TIAM2: variants seen among roughly 807,000 people sequenced by gnomAD.
The protein encoded by TIAM2 is TIAM Rac1 associated GEF 2.
TIAM2 carries 80 observed loss-of-function variants against 152.9 expected under a neutral mutation model. The ratio of observed to expected loss-of-function variants is 0.52; its 90% CI spans 0.44 to 0.63. TIAM2 has a LOEUF of 0.63. Ranked by LOEUF, TIAM2 falls within the 30% of genes least tolerant of loss-of-function variation. The pLI is 0.00. For synonymous variants in TIAM2, 804 were observed against 838.0 expected (o/e 0.96, Z 0.70); for missense variants, 1,965 against 2,120.1 (o/e 0.93, Z 1.44).
chr6:154,998,657 T>C (rs895779313), intron 1 of TIAM2, among the ~76,000 whole-genome samples: 8 of 152,242 alleles, frequency 5.3e-5, no homozygotes, highest in African/African-American at 1.7e-4. Context: ...AAGTGTTTGC[T>C]AGTTATATGG....
intron 15 of TIAM2, among the ~76,000 whole-genome samples, chr6:155,229,417 C>G (rs1194139578): frequency 4.6e-5 from 7 of 152,210 alleles, no homozygotes; most frequent in Non-Finnish European, 1.0e-4. Flanking sequence ...AATCCTTGTA[C>G]TATGCTAAGT....
intron 2 of TIAM2, among the ~76,000 whole-genome samples, chr6:155,103,723 CAA>C (rs759945340): frequency 1.0e-4 from 6 of 59,870 alleles, no homozygotes; most frequent in Non-Finnish European, 1.5e-4. Flanking sequence ...GACTCTGTCT[CAA>C]AAAAAAAAAA....
chr6:155,014,852 A>G (rs1482201666), intron 1 of TIAM2, among the ~76,000 whole-genome samples: 1 of 152,184 alleles, frequency 6.6e-6, no homozygotes, highest in East Asian at 1.9e-4. Flanking sequence ...TTCTTCTCCT[A>G]TGAGAAAAGA....
At chr6:155,037,509 C>T (rs2114901006) in intron 1 of TIAM2, among the ~76,000 whole-genome samples, 1 of 152,166 alleles carries the variant, frequency 6.6e-6, no homozygotes, top group East Asian at 1.9e-4. Context: ...TTTCAGTGTG[C>T]TCCTCTGGGC....
chr6:155,207,147 A>G (rs1363910884), intron 14 of TIAM2, among the ~76,000 whole-genome samples: 1 of 152,210 alleles, frequency 6.6e-6, no homozygotes, highest in Non-Finnish European at 1.5e-5. Context: ...TAAGGGGGCT[A>G]TGTATAGGCA....
In TIAM2 at chr6:155,137,514, G is replaced by A. The variant is rs1779584095; in HGVS notation, c.1532G>A (p.Gly511Glu). 2 of 1,614,120 alleles carry A rather than the reference G, an allele frequency of 1.2e-6. No individual in the cohort carries two copies. Among genetic ancestry groups the A allele is most frequent in the Middle Eastern group, 1.6e-4 (1 of 6,062 alleles). The change falls in exon 5 of 27, where the codon GGG becomes GAG. Residue 511 changes from glycine to glutamate, a missense_variant. Transcript: ENST00000682666. ...EKEQGVVRKA[G>E]WLFFKPLVTV... ...GAACAGGGGGTGGTCCGGAAGGCCG[G>A]GTGGCTCTTCTTCAAGCCCCTGGTC...
At chr6:155,021,440 T>C (rs990588632) in intron 1 of TIAM2, among the ~76,000 whole-genome samples, 4 of 152,090 alleles carry the variant, frequency 2.6e-5, no homozygotes, top group Non-Finnish European at 5.9e-5. Context: ...TTTTATATCT[T>C]TAGTAGAGAC....
chr6:155,124,264 A>G (rs959663850), intron 2 of TIAM2, among the ~76,000 whole-genome samples: 1 of 152,276 alleles, frequency 6.6e-6, no homozygotes, highest in Non-Finnish European at 1.5e-5. Flanking sequence ...TAAGTGCTCC[A>G]TCTGCCTCGG....
At chr6:155,164,642 G>C (rs1162033569) in intron 8 of TIAM2, 42 bp downstream of exon 8, 1 of 1,566,754 alleles carries the variant, frequency 6.4e-7, no homozygotes, top group Non-Finnish European at 8.7e-7. Flanking sequence ...ATTCGGGGAG[G>C]GCTGCGGATG....
Position 155,244,021 on chromosome 6 carries a change from G to A in TIAM2, c.3359G>A (p.Cys1120Tyr). 1.9e-6 allele frequency: 3 copies of A among 1,614,008 alleles called. No homozygotes were observed. Among genetic ancestry groups the A allele is most frequent in the Non-Finnish European group, 1.7e-6 (2 of 1,179,988 alleles). Residue 1120 changes from cysteine to tyrosine, a missense_variant, in exon 17 of 27, where the codon TGC becomes TAC. Cys to Tyr is a radical substitution (Grantham distance 194). Transcript: ENST00000682666. ...TEKSYVKDLS[C>Y]LFELYLEPLQ... Reference sequence around the variant, plus strand: ...TCTATTTTCTTTCAGGATTTGAGCTGCCTCTTTGAATTATACTTGGAGCCA... The same window carrying A: ...TCTATTTTCTTTCAGGATTTGAGCTACCTCTTTGAATTATACTTGGAGCCA...
rs149474307 is a variant in TIAM2, at chr6:155,087,446, T to C, written c.-208-2843T>C. Among the ~76,000 whole-genome samples the C allele has an allele frequency of 7.4e-3, 1,125 of 152,346 alleles. 9 individuals are homozygous for C. Among genetic ancestry groups the C allele is most frequent in the Admixed American group, 0.013 (193 of 15,296 alleles). ...AGCTTGATTCAGTATTCTTTTCTTA[T>C]CATTTGAAAATATTTTTTTCGGCTG... On this transcript the variant is annotated intron_variant, in intron 1 of 26. Transcript: ENST00000682666.
chr6:155,164,118 C>T (rs921560715), intron 7 of TIAM2, among the ~76,000 whole-genome samples: 8 of 130,592 alleles, frequency 6.1e-5, no homozygotes, highest in Non-Finnish European at 9.9e-5. Context: ...TGGCACCACA[C>T]CAGCTAATTT....
At chr6:155,196,269 A>C (rs1302918911) in intron 14 of TIAM2, among the ~76,000 whole-genome samples, 1 of 152,178 alleles carries the variant, frequency 6.6e-6, no homozygotes, top group African/African-American at 2.4e-5. Flanking sequence ...CAGTTAAAAT[A>C]GGAAGATGGG....
Position 155,214,198 on chromosome 6 carries a change from C to T in TIAM2, c.3168+2891C>T, listed in dbSNP as rs1202059752. Among the ~76,000 whole-genome samples the T allele has an allele frequency of 6.6e-6, 1 of 152,254 alleles. No individual in the cohort carries two copies. The highest frequency in any genetic ancestry group is 2.4e-5 in the African/African-American group (1 of 41,478). The stretch of plus-strand genomic sequence containing the variant: ...CTTCCACATTCTCAGCTCCTGCTGG[C>T]TCCATGGAACGCACAGCGCTGGCCG... On this transcript the variant is annotated intron_variant, in intron 15 of 26. Transcript: ENST00000682666. This position sits in a 1 kb window ranked among gnomAD's most constrained non-coding sequence, Gnocchi z 5.4.
Position 155,172,633 on chromosome 6 carries a change from TAGTTGGAA to T in TIAM2, c.2362-4181_2362-4174del, listed in dbSNP as rs1780612198. Among the ~76,000 whole-genome samples, 3 of 99,618 alleles carry T rather than the reference TAGTTGGAA, an allele frequency of 3.0e-5. No individual in the cohort carries two copies. In the South Asian group the frequency reaches 1.1e-3, roughly 37 times the overall value. 65.4% of individuals were successfully genotyped at this position (99,618 alleles called of 152,430 possible). On this transcript the variant is annotated intron_variant, in intron 9 of 26. Transcript: ENST00000682666. Reference sequence around the variant, plus strand: ...CAGGACCAGGAAACCTTGAAGAGGCTAGTTGGAAATATATATATATATATATATATATA... The same window carrying T: ...CAGGACCAGGAAACCTTGAAGAGGCTATATATATATATATATATATATATA...
In TIAM2 at chr6:155,165,318, G is replaced by A. The variant is rs773737287; in HGVS notation, c.2270G>A (p.Arg757Gln). The change falls in exon 9 of 27, where the codon CGA (arginine) becomes CAA (glutamine). Residue 757 changes from arginine (R) to glutamine (Q), a missense_variant. Around this residue, in one of 3 missense-constraint regions of TIAM2, gnomAD observed 1,025 missense variants for 1,119.4 expected, o/e 0.92. Coordinates refer to ENST00000682666, the MANE Select transcript of TIAM2 (RefSeq NM_012454.4). ...AAAAGGACACTGTCACTGACCCAGCGAGGGAGAAACAAGAAGGGAATATTT... is the reference window on the plus strand; with the variant it reads ...AAAAGGACACTGTCACTGACCCAGCAAGGGAGAAACAAGAAGGGAATATTT... Reference protein sequence around the residue: ...LRKRTLSLTQRGRNKKGIFSS... With the variant: ...LRKRTLSLTQQGRNKKGIFSS... 6.5e-5 allele frequency: 105 copies of A among 1,613,984 alleles called. 1 individual carries two copies. The highest frequency in any genetic ancestry group is 5.4e-4 in the South Asian group (49 of 91,084).
intron 1 of TIAM2, among the ~76,000 whole-genome samples, chr6:155,002,930 G>A (rs1410781490): frequency 1.3e-5 from 2 of 151,996 alleles, no homozygotes; most frequent in Non-Finnish European, 2.9e-5. Context: ...TTGACCTCAG[G>A]TGATCTGCCC....
chr6:155,243,846 C>CAAAAAAAAAAAAAAAA (rs59365890), intron 16 of TIAM2, among the ~76,000 whole-genome samples, 165 bp from the exon 17 acceptor site: 11 of 55,050 alleles, frequency 2.0e-4, no homozygotes, highest in African/African-American at 8.9e-4. Flanking sequence ...GACTCCGTCT[C>CAAAAAAAAAAAAAAAA]AAAAAAAAAA....
intron 16 of TIAM2, among the ~76,000 whole-genome samples, chr6:155,241,304 T>C (rs1025021960): frequency 1.3e-5 from 2 of 152,224 alleles, no homozygotes; most frequent in African/African-American, 4.8e-5. Flanking sequence ...TGAAGAATAC[T>C]GGAGCCTGGG....
Sources: allele counts gnomAD v4.1 joint callset (sites outside exome capture counted in the v4.1 genomes callset), GRCh38; gene constraint gnomAD v4.1.1; regional missense constraint gnomAD v4.1.1; non-coding constraint Gnocchi (gnomAD v3.1); transcripts MANE v1.5; gene names NCBI Gene and HGNC (gene_info 2026-07-23, HGNC 2026-07-21).